RGS17: variants seen among roughly 807,000 people sequenced by gnomAD.
The protein encoded by RGS17 is regulator of G-protein signaling 17.
A neutral mutation model predicts 25.5 loss-of-function variants in RGS17; 12 were observed. The observed-to-expected ratio is 0.47, with a 90% CI of 0.30 to 0.76. The LOEUF (loss-of-function observed/expected upper bound fraction) is 0.76. Among genes scored for constraint, RGS17 ranks in the 30% least tolerant of loss-of-function variants. RGS17 has a pLI of 0.07. For missense variants in RGS17, 196 were observed against 242.2 expected (o/e 0.81, Z 1.27); for synonymous variants, 71 against 76.9 (o/e 0.92, Z 0.40).
intron 4 of RGS17, among the ~76,000 whole-genome samples, chr6:153,021,677 A>T (rs778645296): frequency 5.3e-5 from 8 of 152,230 alleles, no homozygotes; most frequent in Non-Finnish European, 8.8e-5. Context: ...GTTAATTACA[A>T]GTCGGCAAAA....
chr6:153,126,777 G>A (rs1033535222), intron 1 of RGS17, among the ~76,000 whole-genome samples: 5 of 152,130 alleles, frequency 3.3e-5, no homozygotes, highest in Non-Finnish European at 4.4e-5. Context: ...ATAGAGATAC[G>A]CATACAAAAT....
intron 1 of RGS17, among the ~76,000 whole-genome samples, chr6:153,092,427 T>C (rs1277769395): frequency 1.3e-5 from 2 of 152,224 alleles, no homozygotes; most frequent in Non-Finnish European, 2.9e-5. Context: ...TGAAGCTCTC[T>C]CTAGGAAACT....
intron 2 of RGS17, among the ~76,000 whole-genome samples, chr6:153,027,002 T>C (rs1394566151): frequency 2.0e-5 from 3 of 152,236 alleles, no homozygotes; most frequent in African/African-American, 7.2e-5. Context: ...TGTGTCAGAA[T>C]CTAATACAGA....
At chr6:153,082,142 T>C (rs771052121) in intron 1 of RGS17, among the ~76,000 whole-genome samples, 39 of 152,350 alleles carry the variant, frequency 2.6e-4, no homozygotes, top group Admixed American at 3.9e-4. Context: ...GTATCTGGTT[T>C]CTGGCTCTTT....
chr6:153,077,993 C>A lies in RGS17; in HGVS notation c.-25-33950G>T, dbSNP rs1458289097. The stretch of plus-strand genomic sequence containing the variant: ...GGTTCAAGCAATTCTCCTGCCTCAG[C>A]CTCCCAAGTAGTTGGGATTCCAGGC... On this transcript the variant is annotated intron_variant, in intron 1 of 4. Coordinates refer to ENST00000206262, the MANE Select transcript of RGS17 (RefSeq NM_012419.5). 7.9e-5 allele frequency among the ~76,000 whole-genome samples: 12 copies of A among 152,104 alleles called. 1 individual carries two copies. Among genetic ancestry groups the A allele is most frequent in the Non-Finnish European group, 1.8e-4 (12 of 68,016 alleles).
At chr6:153,017,383 TC>T (rs1473927322) in intron 4 of RGS17, among the ~76,000 whole-genome samples, 2 of 152,156 alleles carry the variant, frequency 1.3e-5, no homozygotes, top group African/African-American at 4.8e-5. Context: ...AGCGAAGTGG[TC>T]AACAAAAGTA....
At chr6:153,032,151 T>C (rs1225181279) in intron 2 of RGS17, among the ~76,000 whole-genome samples, 3 of 152,202 alleles carry the variant, frequency 2.0e-5, no homozygotes, top group African/African-American at 4.8e-5. Flanking sequence ...GATGGGCTGG[T>C]AACCACATAA....
At position 153,005,053 on chromosome 6, in the gene RGS17, A is replaced by G. The variant is rs1779059633; in HGVS notation, c.*6521T>C. The stretch of plus-strand genomic sequence containing the variant: ...AAAATCATATACAAGAAAGGTGTTT[A>G]TGACAAATCGGTTAAAGCTAGCGGG... On this transcript the variant is annotated 3_prime_UTR_variant, in exon 5 of 5. Transcript: ENST00000206262. 2 of 152,240 alleles carry G rather than the reference A, an allele frequency of 1.3e-5. No homozygotes were observed. The highest frequency in any genetic ancestry group is 6.5e-5 in the Admixed American group (1 of 15,286). 9.4% of individuals were successfully genotyped at this position (152,240 alleles called of 1,614,324 possible). A position where few individuals can be genotyped will look rare whatever the true frequency, so the allele number is the denominator to read the frequency against.
At chr6:153,057,126 G>A (rs1233502747) in intron 1 of RGS17, among the ~76,000 whole-genome samples, 1 of 151,782 alleles carries the variant, frequency 6.6e-6, no homozygotes, top group Non-Finnish European at 1.5e-5. Flanking sequence ...ATGACCTGCT[G>A]CAATGTAAAC....
At chr6:153,085,880 T>C (rs1178388137) in intron 1 of RGS17, among the ~76,000 whole-genome samples, 1 of 152,086 alleles carries the variant, frequency 6.6e-6, no homozygotes, top group East Asian at 1.9e-4. Context: ...AATGACTTTA[T>C]TTAAAGAGAT....
chr6:153,062,587 T>C (rs1387264790), intron 1 of RGS17, among the ~76,000 whole-genome samples: 1 of 152,158 alleles, frequency 6.6e-6, no homozygotes, highest in Non-Finnish European at 1.5e-5. Context: ...ACAGGAGTCC[T>C]AGTGCTGAAT....
At chr6:153,036,691 A>G (rs1286127338) in intron 2 of RGS17, among the ~76,000 whole-genome samples, 1 of 152,190 alleles carries the variant, frequency 6.6e-6, no homozygotes, top group Non-Finnish European at 1.5e-5. Context: ...TGATGGGATC[A>G]CCAGCAACCC....
intron 1 of RGS17, among the ~76,000 whole-genome samples, chr6:153,097,281 G>GTTTTTTGTTTTTTTT (rs1562333157): frequency 8.0e-6 from 1 of 124,244 alleles, no homozygotes; most frequent in African/African-American, 3.1e-5. Flanking sequence ...AGACAATAGC[G>GTTTTTTGTTTTTTTT]TTTTTTTGAT....
At chr6:153,014,797 CAAAA>C (rs34132794) in intron 4 of RGS17, among the ~76,000 whole-genome samples, 1 of 97,158 alleles carries the variant, frequency 1.0e-5, no homozygotes, top group Admixed American at 1.1e-4. Context: ...GACTCCGTCT[CAAAA>C]AAAAAAAAAA....
chr6:153,109,260 G>C (rs1273588939), intron 1 of RGS17, among the ~76,000 whole-genome samples: 1 of 152,048 alleles, frequency 6.6e-6, no homozygotes, highest in African/African-American at 2.4e-5. Flanking sequence ...TCACATAAGA[G>C]ACGAGTGTAT....
intron 1 of RGS17, among the ~76,000 whole-genome samples, chr6:153,079,177 A>C (rs1006470471): frequency 2.0e-5 from 3 of 152,030 alleles, no homozygotes. Context: ...TGCCGGGTTC[A>C]AGCAATTCTC....
chr6:153,014,421 T>C (rs1354695451), intron 4 of RGS17, among the ~76,000 whole-genome samples: 1 of 152,204 alleles, frequency 6.6e-6, no homozygotes, highest in Non-Finnish European at 1.5e-5. Flanking sequence ...GAAATTAGTA[T>C]TGTTTTCATG....
At chr6:153,077,872 CTTTT>C (rs974804069) in intron 1 of RGS17, among the ~76,000 whole-genome samples, 2 of 121,380 alleles carry the variant, frequency 1.6e-5, no homozygotes, top group African/African-American at 3.1e-5. Context: ...CTTACAGTAT[CTTTT>C]TTATTTTTTT....
At chr6:153,074,442 AG>A (rs1386306708) in intron 1 of RGS17, among the ~76,000 whole-genome samples, 7 of 152,298 alleles carry the variant, frequency 4.6e-5, no homozygotes, top group African/African-American at 1.4e-4. Context: ...AACTTTAACC[AG>A]TCACATAAAA....
Sources: gnomAD v4.1 joint callset for allele counts (sites outside exome capture counted in the v4.1 genomes callset) on GRCh38, gnomAD v4.1.1 for gene constraint, MANE v1.5 for transcripts, NCBI Gene and HGNC (gene_info 2026-07-23, HGNC 2026-07-21) for gene names.